The following RBFOX1 variants were observed in gnomAD, a reference collection of about 807,000 sequenced individuals.
The protein encoded by RBFOX1 is RNA binding protein fox-1 homolog 1.
In RBFOX1, 8 loss-of-function variants were observed where a neutral mutation model predicts 57.7. The ratio of observed to expected loss-of-function variants is 0.14; its 90% confidence interval spans 0.08 to 0.25. The LOEUF is 0.25. RBFOX1 is among the 10% of genes least tolerant of loss of function. RBFOX1 has a pLI of 1.00. For missense variants in RBFOX1, 611 were observed against 548.5 expected (o/e 1.11, Z -1.14); for synonymous variants, 326 against 222.4 (o/e 1.47, Z -4.15).
chr16:7,253,491 A>C (rs1471544992), intron 4 of RBFOX1, among the ~76,000 whole-genome samples: 1 of 152,142 alleles, frequency 6.6e-6, no homozygotes, highest in Non-Finnish European at 1.5e-5. Context: ...CTATCTATAC[A>C]TCATTGACCT....
chr16:5,783,964 C>A (rs1467896900), intron 3 of RBFOX1, among the ~76,000 whole-genome samples: 5 of 152,178 alleles, frequency 3.3e-5, no homozygotes, highest in African/African-American at 1.2e-4. Flanking sequence ...TAAGTATATT[C>A]ATCCATTCTT....
chr16:5,558,207 C>A (rs1452501851), intron 2 of RBFOX1, among the ~76,000 whole-genome samples: 2 of 152,162 alleles, frequency 1.3e-5, no homozygotes, highest in Non-Finnish European at 2.9e-5. Flanking sequence ...AGCCCCCCTG[C>A]CCTTGTGATA....
At chr16:6,259,321 C>T (rs1039880338) in intron 1 of RBFOX1, among the ~76,000 whole-genome samples, 10 of 152,096 alleles carry the variant, frequency 6.6e-5, no homozygotes, top group African/African-American at 2.2e-4. Context: ...CCCTCCTCTC[C>T]TCTCTAGCCG....
intron 3 of RBFOX1, among the ~76,000 whole-genome samples, chr16:6,871,875 T>G (rs78865589): frequency 0.021 from 3,227 of 151,688 alleles, 126 homozygotes; most frequent in African/African-American, 0.073. Context: ...GATGGCACTT[T>G]GTCACAATCC....
intron 3 of RBFOX1, among the ~76,000 whole-genome samples, chr16:5,852,070 T>A (rs1038344532): frequency 1.3e-5 from 2 of 152,190 alleles, no homozygotes; most frequent in African/African-American, 2.4e-5. Flanking sequence ...TGGCATTATA[T>A]GTTAAAAGTA....
intron 4 of RBFOX1, among the ~76,000 whole-genome samples, chr16:5,893,348 T>C (rs1365079878): frequency 6.6e-6 from 1 of 152,214 alleles, no homozygotes; most frequent in Non-Finnish European, 1.5e-5. Context: ...GACCTAGTAT[T>C]GCTAGCATAA....
intron 10 of RBFOX1, 46 bp from the exon 11 acceptor site, chr16:7,630,557 T>C (rs533326051): frequency 4.3e-6 from 7 of 1,611,176 alleles, no homozygotes; most frequent in African/African-American, 2.7e-5. Context: ...TCAGGTGTAG[T>C]GTACCGATTC....
At chr16:6,750,262 T>C (rs922652812) in intron 3 of RBFOX1, among the ~76,000 whole-genome samples, 1 of 152,228 alleles carries the variant, frequency 6.6e-6, no homozygotes, top group Non-Finnish European at 1.5e-5. Context: ...CAATAGCTGT[T>C]AAGTCATTTG....
intron 4 of RBFOX1, among the ~76,000 whole-genome samples, chr16:7,372,222 T>C (rs1317575300): frequency 6.6e-6 from 1 of 152,104 alleles, no homozygotes; most frequent in Non-Finnish European, 1.5e-5. Context: ...GACATCCTAT[T>C]TGGGCCTCGG....
chr16:7,670,974 G>A (rs535061135), intron 13 of RBFOX1, among the ~76,000 whole-genome samples: 30 of 152,160 alleles, frequency 2.0e-4, no homozygotes, highest in African/African-American at 3.1e-4. Flanking sequence ...TTACACACAC[G>A]CACACACACT....
At chr16:6,530,678 G>A (rs993560691) in intron 2 of RBFOX1, among the ~76,000 whole-genome samples, 1 of 152,106 alleles carries the variant, frequency 6.6e-6, no homozygotes, top group Non-Finnish European at 1.5e-5. Flanking sequence ...GGAGGAGCAA[G>A]TTATGTCTTA....
intron 1 of RBFOX1, among the ~76,000 whole-genome samples, chr16:5,389,790 C>G (rs1016171676): frequency 3.8e-4 from 57 of 151,782 alleles, no homozygotes; most frequent in Non-Finnish European, 5.7e-4. Context: ...TTCCATCACC[C>G]AGGCTCAAGC....
chr16:7,363,074 G>C (rs796714853), intron 4 of RBFOX1, among the ~76,000 whole-genome samples: 3 of 152,198 alleles, frequency 2.0e-5, no homozygotes, highest in Non-Finnish European at 2.9e-5. Context: ...GGATCATTGA[G>C]AGCAATGGGA....
At chr16:5,654,861 C>T (rs1301717298) in intron 3 of RBFOX1, among the ~76,000 whole-genome samples, 1 of 151,962 alleles carries the variant, frequency 6.6e-6, no homozygotes, top group Admixed American at 6.6e-5. Flanking sequence ...TTGTATTCCC[C>T]CCTTTATTTG....
chr16:6,922,385 C>T (rs1026196669), intron 3 of RBFOX1, among the ~76,000 whole-genome samples: 1 of 152,190 alleles, frequency 6.6e-6, no homozygotes, highest in African/African-American at 2.4e-5. Context: ...GAACATCTGC[C>T]ACCCGGCACA....
chr16:5,775,174 T>C (rs1377439715), intron 3 of RBFOX1, among the ~76,000 whole-genome samples: 1 of 152,176 alleles, frequency 6.6e-6, no homozygotes, highest in Non-Finnish European at 1.5e-5. Context: ...TCACATCCTA[T>C]TCTGGAGCTT....
chr16:6,138,503 T>C (rs9935453), intron 1 of RBFOX1, among the ~76,000 whole-genome samples: 34,056 of 152,088 alleles, frequency 0.22, 5,178 homozygotes, highest in African/African-American at 0.43. Context: ...ATGTTTGCCT[T>C]TTTAAAGCCA....
At chr16:6,838,611 C>T (rs2093274320) in intron 3 of RBFOX1, among the ~76,000 whole-genome samples, 1 of 152,174 alleles carries the variant, frequency 6.6e-6, no homozygotes, top group South Asian at 2.1e-4. Context: ...TGTGCACTGC[C>T]ACTTAAGTAA....
chr16:5,404,420 A>G (rs1467136018), intron 1 of RBFOX1, among the ~76,000 whole-genome samples: 2 of 152,142 alleles, frequency 1.3e-5, no homozygotes, highest in Non-Finnish European at 2.9e-5. Context: ...TGATGTCTTC[A>G]AATCTGAGAG....
Sources: allele counts gnomAD v4.1 joint callset (sites outside exome capture counted in the v4.1 genomes callset), GRCh38; gene constraint gnomAD v4.1.1; transcripts MANE v1.5; gene names NCBI Gene and HGNC (gene_info 2026-07-23, HGNC 2026-07-21).